HOXB3: variants seen among roughly 807,000 people sequenced by gnomAD.
HOXB3 encodes homeobox B3, also known as homeobox protein Hox-B3.
In HOXB3, 17 loss-of-function variants were observed where a neutral mutation model predicts 29.2. That is an observed-to-expected ratio of 0.58 (90% CI 0.40 to 0.87). HOXB3 has a LOEUF of 0.87. HOXB3 is among the 40% of genes least tolerant of loss of function. The pLI, the probability that HOXB3 is intolerant of heterozygous loss-of-function variation, is 0.00. For missense variants in HOXB3, 637 were observed against 616.3 expected, an observed-to-expected ratio of 1.03 and a Z score of -0.35; for synonymous variants, 317 against 285.9, an observed-to-expected ratio of 1.11 and a Z score of -1.10.
In HOXB3 at chr17:48,552,033, C is replaced by T. The variant is rs552384890; in HGVS notation, c.442G>A (p.Gly148Ser). The change falls in exon 4 of 5, where the codon GGC becomes AGC. Residue 148 changes from glycine (G) to serine (S), a missense_variant. Transcript: ENST00000498678. Reference sequence around the variant, plus strand: ...GAAGGCAGAGAACTGGTACCTGTGCCGGGGGAGTTGTTTTTCAGCTTGGAC... The same window carrying T: ...GAAGGCAGAGAACTGGTACCTGTGCTGGGGGAGTTGTTTTTCAGCTTGGAC... ...QTSKLKNNSP[G>S]TAEGCGGGGG... The T allele has an allele frequency of 1.1e-5, 18 of 1,571,992 alleles. No homozygotes were observed. The South Asian group carries it at 1.2e-4, about 10-fold the overall frequency.
At chr17:48,570,323 A>G (rs2069543549) in intron 2 of HOXB3, among the ~76,000 whole-genome samples, 2 of 152,176 alleles carry the variant, frequency 1.3e-5, no homozygotes, top group South Asian at 4.1e-4. Flanking sequence ...CCCCCATCCA[A>G]ACTTGACCAG....
intron 1 of HOXB3, chr17:48,580,085 C>G (rs1204134077): frequency 2.7e-6 from 1 of 370,474 alleles, no homozygotes; most frequent in East Asian, 1.3e-4. Context: ...CGAGTCTGTT[C>G]TTGGGATTAC....
chr17:48,581,605 C>G (rs778309955), intron 1 of HOXB3: 1 of 152,550 alleles, frequency 6.6e-6, no homozygotes, highest in Non-Finnish European at 1.5e-5. Flanking sequence ...CTCGGAAACC[C>G]GTCCAACCCG....
chr17:48,589,729 A>G (rs2144926891), intron 1 of HOXB3, among the ~76,000 whole-genome samples: 1 of 152,350 alleles, frequency 6.6e-6, no homozygotes, highest in South Asian at 2.1e-4. Context: ...AATGAATGTC[A>G]TAAAGTTTCT....
intron 3 of HOXB3, 86 bp from the exon 4 acceptor site, chr17:48,552,718 A>G (rs1391190134): frequency 3.0e-5 from 13 of 427,298 alleles, no homozygotes; most frequent in Non-Finnish European, 8.3e-6. Flanking sequence ...ACTGACATCA[A>G]TAGGGTTTTT....
Position 48,550,741 on chromosome 17 carries a change from C to T in HOXB3, c.889G>A (p.Ala297Thr), listed in dbSNP as rs926501610. ...ESPSPPAFGKAHQNAYALPSN... is the reference protein window; with the variant it reads ...ESPSPPAFGKTHQNAYALPSN... ...GGCAGCGCGTAGGCATTCTGGTGGG[C>T]TTTACCGAAGGCGGGTGGGGACGGG... Residue 297 changes from alanine to threonine, a missense_variant, in exon 5 of 5, where the codon GCC becomes ACC. Physicochemically the swap from Ala to Thr is moderately conservative, Grantham distance 58. Coordinates refer to ENST00000498678, the MANE Select transcript of HOXB3 (RefSeq NM_001384749.1). 1.3e-6 allele frequency: 2 copies of T among 1,583,732 alleles called. No homozygotes were observed. Among genetic ancestry groups the T allele is most frequent in the African/African-American group, 1.3e-5 (1 of 74,268 alleles).
chr17:48,573,962 C>CG lies in HOXB3; in HGVS notation c.-373dup. The CG allele has an allele frequency of 1.5e-6, 1 of 687,004 alleles. No individual in the cohort carries two copies. The highest frequency in any genetic ancestry group is 2.6e-6 in the Non-Finnish European group (1 of 378,402). The allele number at this position is 687,004 out of a possible 1,614,324, so 42.6% of individuals were successfully genotyped here. A position where few individuals can be genotyped will look rare whatever the true frequency, so the allele number is the denominator to read the frequency against. On this transcript the variant is annotated 5_prime_UTR_variant, in exon 2 of 5. Transcript: ENST00000498678. ...CCAAATTTTTTCCCCCTTGCAGATC[C>CG]GGGAGAGACGGCTAACACTTTTTTC...
chr17:48,550,553 C>G lies in HOXB3; in HGVS notation c.1077G>C (p.Ala359=), dbSNP rs1017049494. ...GGCCGGCAGGGGGCGGCAGCGGATC[C>G]GCGTAGCCGCCCCCGCCCACGTACA... is the stretch of plus-strand genomic sequence containing the variant. The part of the protein sequence containing the change: ...SPVYVGGGGY[A]DPLPPPAGPS... Residue 359 remains alanine (A), a synonymous_variant, in exon 5 of 5, where the codon GCG becomes GCC. Transcript: ENST00000498678. The G allele has an allele frequency of 6.6e-7, 1 of 1,523,196 alleles. No individual in the cohort carries two copies. The allele number at this position is 1,523,196 out of a possible 1,614,324, so 94.4% of individuals were successfully genotyped here.
chr17:48,550,977 C>T lies in HOXB3; in HGVS notation c.653G>A (p.Arg218His). The stretch of plus-strand genomic sequence containing the variant: ...GTTCAGCAGGTTGGCCATCTCTACA[C>T]GGCGAGGCCGGCACAGGTAGCGGTT... Reference protein sequence around the residue: ...HFNRYLCRPRRVEMANLLNLS... With the variant: ...HFNRYLCRPRHVEMANLLNLS... Residue 218 changes from arginine to histidine, a missense_variant, in exon 5 of 5, where the codon CGT (arginine) becomes CAT (histidine). Arg to His is a conservative substitution (Grantham distance 29). Coordinates refer to ENST00000498678, the MANE Select transcript of HOXB3 (RefSeq NM_001384749.1). The T allele has an allele frequency of 6.2e-7, 1 of 1,613,772 alleles. No homozygotes were observed. The highest frequency in any genetic ancestry group is 8.5e-7 in the Non-Finnish European group (1 of 1,179,804).
At chr17:48,565,485 C>G (rs2069360765) in intron 2 of HOXB3, among the ~76,000 whole-genome samples, 1 of 152,222 alleles carries the variant, frequency 6.6e-6, no homozygotes, top group Non-Finnish European at 1.5e-5. Context: ...TGTTGGGTCT[C>G]TCTGTCTTTT....
At chr17:48,579,920 C>T (rs1391955925) in intron 1 of HOXB3, 2 of 520,336 alleles carry the variant, frequency 3.8e-6, no homozygotes, top group Admixed American at 2.1e-5. Flanking sequence ...TTCGGATCTA[C>T]AGGGTATATA....
chr17:48,565,628 C>T (rs2069364529), intron 2 of HOXB3, among the ~76,000 whole-genome samples: 1 of 152,264 alleles, frequency 6.6e-6, no homozygotes, highest in Non-Finnish European at 1.5e-5. Context: ...GAAATCACTT[C>T]TGGGCTCACC....
intron 1 of HOXB3, chr17:48,581,450 C>A (rs2069934256): frequency 6.6e-6 from 1 of 152,256 alleles, no homozygotes; most frequent in African/African-American, 2.4e-5. Flanking sequence ...ACAAAATGCG[C>A]TGCTAGGATC....
intron 1 of HOXB3, chr17:48,576,710 C>A: frequency 6.3e-7 from 1 of 1,582,148 alleles, no homozygotes; most frequent in Non-Finnish European, 8.6e-7. Context: ...GTGGCTCCCG[C>A]GTGCGGGGGC....
In HOXB3 at chr17:48,551,141, T is replaced by TCCGCCGCCG. The variant is rs762753310; in HGVS notation, c.480_488dup (p.Gly162_Gly164dup). The TCCGCCGCCG allele has an allele frequency of 3.1e-6, 4 of 1,307,190 alleles. No individual in the cohort carries two copies. The East Asian group carries it at 8.9e-5, about 29-fold the overall frequency. The allele number at this position is 1,307,190 out of a possible 1,614,324, so 81.0% of individuals were successfully genotyped here. A position where few individuals can be genotyped will look rare whatever the true frequency, so the allele number is the denominator to read the frequency against. ...CACCGCCCCCGCTGCCACCACTGCC[T>TCCGCCGCCG]CCGCCGCCGCCGCCACCGCCGCCGC... On this transcript the variant is annotated inframe_insertion, in exon 5 of 5. Coordinates refer to ENST00000498678, the MANE Select transcript of HOXB3 (RefSeq NM_001384749.1).
intron 2 of HOXB3, chr17:48,557,185 G>A (rs976564011): frequency 2.6e-5 from 4 of 152,366 alleles, no homozygotes; most frequent in East Asian, 1.9e-4. Context: ...CTGCTGACTC[G>A]GAGCTAGGGG....
chr17:48,587,468 T>G (rs2070068914), intron 1 of HOXB3, among the ~76,000 whole-genome samples: 1 of 152,134 alleles, frequency 6.6e-6, no homozygotes, highest in Admixed American at 6.5e-5. Flanking sequence ...AAGTCCATGC[T>G]GGGGAGACTA....
At chr17:48,580,179 G>GC (rs1555641572) in intron 1 of HOXB3, 2 of 271,370 alleles carry the variant, frequency 7.4e-6, no homozygotes, top group Middle Eastern at 1.2e-3. Flanking sequence ...CCGCCGCCGC[G>GC]CAACTCTCGG....
Position 48,550,601 on chromosome 17 carries a change from C to G in HOXB3, c.1029G>C (p.Thr343=). Reference sequence around the variant, plus strand: ...ACACCGGACTGCCCTGCATGGTGGGCGTCCCGTAGGCGCCCCCGTTGGCTT... The same window carrying G: ...ACACCGGACTGCCCTGCATGGTGGGGGTCCCGTAGGCGCCCCCGTTGGCTT... ...VLQANGGAYG[T]PTMQGSPVYV... The change falls in exon 5 of 5, where the codon ACG becomes ACC. Residue 343 remains threonine (T), a synonymous_variant. Transcript: ENST00000498678. The G allele has an allele frequency of 6.6e-7, 1 of 1,521,476 alleles. No homozygotes were observed. Among genetic ancestry groups the G allele is most frequent in the Non-Finnish European group, 8.8e-7 (1 of 1,140,672 alleles). 94.2% of individuals were successfully genotyped at this position (1,521,476 alleles called of 1,614,324 possible).
Sources: allele counts gnomAD v4.1 joint callset (sites outside exome capture counted in the v4.1 genomes callset), GRCh38; gene constraint gnomAD v4.1.1; transcripts MANE v1.5; gene names NCBI Gene and HGNC (gene_info 2026-07-23, HGNC 2026-07-21).